The following ITGA1 variants were observed in gnomAD, a reference collection of about 807,000 sequenced individuals.
ITGA1 encodes integrin alpha-1.
Under a neutral mutation model 145.9 loss-of-function variants are expected in ITGA1, and 85 were observed. That is an observed-to-expected ratio of 0.58 (90% CI 0.49 to 0.70). ITGA1 has a LOEUF of 0.70. Ranked by LOEUF, ITGA1 falls within the 30% of genes least tolerant of loss-of-function variation. ITGA1 has a pLI of 0.00. For synonymous variants in ITGA1, 520 were observed against 495.3 expected (o/e 1.05, Z -0.66); for missense variants, 1,351 against 1,418.7 (o/e 0.95, Z 0.77).
At chr5:52,886,025 A>T (rs893369030) in intron 7 of ITGA1, among the ~76,000 whole-genome samples, 1 of 152,200 alleles carries the variant, frequency 6.6e-6, no homozygotes, top group Non-Finnish European at 1.5e-5. Flanking sequence ...GTGGGGAATG[A>T]GGAATGTGAT....
At chr5:52,906,985 A>C (rs1750418960) in intron 12 of ITGA1, among the ~76,000 whole-genome samples, 1 of 152,230 alleles carries the variant, frequency 6.6e-6, no homozygotes, top group African/African-American at 2.4e-5. Flanking sequence ...GGCCGGCTAC[A>C]AGAGTAACTG....
chr5:52,890,849 A>G (rs558783682), intron 8 of ITGA1, among the ~76,000 whole-genome samples: 2 of 152,254 alleles, frequency 1.3e-5, no homozygotes, highest in South Asian at 2.1e-4. Flanking sequence ...TTTTAAATCC[A>G]TTAACTAACC....
chr5:52,884,836 A>G (rs80238507), intron 7 of ITGA1, among the ~76,000 whole-genome samples: 4,649 of 152,268 alleles, frequency 0.031, 259 homozygotes, highest in African/African-American at 0.11. Flanking sequence ...CATCAGCTGC[A>G]TGTTCTAGAA....
chr5:52,811,867 TA>T (rs942354024), intron 1 of ITGA1, among the ~76,000 whole-genome samples: 5 of 152,204 alleles, frequency 3.3e-5, no homozygotes, highest in Non-Finnish European at 5.9e-5. Flanking sequence ...TCCATTTGGC[TA>T]GAGGTTTCTC....
intron 26 of ITGA1, 90 bp downstream of exon 26, chr5:52,940,034 T>C: frequency 1.3e-6 from 1 of 795,796 alleles, no homozygotes; most frequent in Admixed American, 2.0e-5. Context: ...TGTGCTGCTT[T>C]TGGAAAGAAT....
chr5:52,951,845 G>T lies in ITGA1; in HGVS notation c.3496-562G>T, dbSNP rs377172199. On this transcript the variant is annotated intron_variant, in intron 28 of 28. Coordinates refer to ENST00000282588, the MANE Select transcript of ITGA1 (RefSeq NM_181501.2). ...CAGAAGCTTTTAATTAGTTCAATGT[G>T]TATACTATATTTTACTAGGGGTCAT... Among the ~76,000 whole-genome samples the T allele has an allele frequency of 1.1e-3, 163 of 152,300 alleles. 1 individual carries two copies. In the South Asian group the frequency reaches 0.018, roughly 17 times the overall value.
Position 52,910,263 on chromosome 5 carries a change from C to G in ITGA1, c.1701C>G (p.Cys567Trp), listed in dbSNP as rs565973897. The change falls in exon 14 of 29, where the codon TGC (cysteine) becomes TGG (tryptophan). Residue 567 changes from cysteine to tryptophan, a missense_variant. Transcript: ENST00000282588. ...CAACAGAAAACAAAAATGAGCCATG[C>G]GGGGCTCGTTTTGGAACTGCAATTG... ...SCTTENKNEP[C>W]GARFGTAIAA... 1 of 1,613,848 alleles carries G rather than the reference C, an allele frequency of 6.2e-7. No individual in the cohort carries two copies. The highest frequency in any genetic ancestry group is 8.5e-7 in the Non-Finnish European group (1 of 1,179,902).
chr5:52,914,182 A>G (rs950353729), intron 14 of ITGA1, among the ~76,000 whole-genome samples: 1 of 152,200 alleles, frequency 6.6e-6, no homozygotes, highest in African/African-American at 2.4e-5. Flanking sequence ...TTAGAGTTGG[A>G]TTTGTTTAAT....
At chr5:52,921,901 T>A (rs1750733931) in intron 17 of ITGA1, among the ~76,000 whole-genome samples, 1 of 152,212 alleles carries the variant, frequency 6.6e-6, no homozygotes, top group South Asian at 2.1e-4. Flanking sequence ...TAATTTGCAA[T>A]AATGTATATA....
chr5:52,911,079 A>AGTATATATAGT (rs554338183), intron 14 of ITGA1, among the ~76,000 whole-genome samples: 1 of 133,516 alleles, frequency 7.5e-6, no homozygotes, highest in South Asian at 2.4e-4. Context: ...GTGTATATAT[A>AGTATATATAGT]GTATATATAG....
rs1000135690 is a variant in ITGA1 at position 52,953,373 on chromosome 5, G to T, written c.*922G>T. 1 of 152,162 alleles carries T rather than the reference G, an allele frequency of 6.6e-6. No homozygotes were observed. 9.4% of individuals were successfully genotyped at this position (152,162 alleles called of 1,614,324 possible). ...GCTGAGCAGCTTTTGAATGCTAAGG[G>T]TTCCAGTATGTGACCCAAAGAAAGA... On this transcript the variant is annotated 3_prime_UTR_variant, in exon 29 of 29. Transcript: ENST00000282588.
chr5:52,830,130 T>C (rs1037728572), intron 1 of ITGA1, among the ~76,000 whole-genome samples: 2 of 152,196 alleles, frequency 1.3e-5, no homozygotes, highest in Admixed American at 6.6e-5. Context: ...GTATAGTAGC[T>C]CTGTGGCAAG....
chr5:52,880,250 T>C (rs753793593), intron 6 of ITGA1, among the ~76,000 whole-genome samples: 3 of 139,030 alleles, frequency 2.2e-5, no homozygotes, highest in Non-Finnish European at 4.9e-5. Context: ...TTCAACTCAG[T>C]TTCCTCACTT....
rs1474319905 is a variant in ITGA1, at chr5:52,925,391, C to A, written c.2517C>A (p.Phe839Leu). ...TTGTCCGATCCCAGAATGATAAGTT[C>A]AACGTTAGCCTCACAGTCAAAAATA... Reference protein sequence around the residue: ...LLIVRSQNDKFNVSLTVKNTK... With the variant: ...LLIVRSQNDKLNVSLTVKNTK... Residue 839 changes from phenylalanine (F) to leucine (L), a missense_variant, in exon 19 of 29, where the codon TTC becomes TTA. Phe to Leu is a conservative substitution (Grantham distance 22, BLOSUM62 0). Coordinates refer to ENST00000282588, the MANE Select transcript of ITGA1 (RefSeq NM_181501.2). 6.2e-7 allele frequency: 1 copy of A among 1,614,008 alleles called. No individual in the cohort carries two copies. The highest frequency in any genetic ancestry group is 8.5e-7 in the Non-Finnish European group (1 of 1,179,862).
intron 14 of ITGA1, among the ~76,000 whole-genome samples, chr5:52,912,030 T>A (rs1413806870): frequency 4.5e-5 from 6 of 132,110 alleles, no homozygotes; most frequent in Non-Finnish European, 9.8e-5. Flanking sequence ...ATAGTGTGTA[T>A]CTACTATATA....
rs1474874125 is a variant in ITGA1, at chr5:52,955,124, A to G, written c.*2673A>G. The stretch of plus-strand genomic sequence containing the variant: ...TTTTCTGACCAAACTACAATGGTAT[A>G]TTGGTAAATTATTTAACAACACACT... On this transcript the variant is annotated 3_prime_UTR_variant, in exon 29 of 29. Transcript: ENST00000282588. 1.3e-5 allele frequency: 2 copies of G among 151,178 alleles called. No individual in the cohort carries two copies. Among genetic ancestry groups the G allele is most frequent in the Non-Finnish European group, 2.9e-5 (2 of 67,874 alleles). The allele number at this position is 151,178 out of a possible 1,614,324, so 9.4% of individuals were successfully genotyped here. A position where few individuals can be genotyped will look rare whatever the true frequency, so the allele number is the denominator to read the frequency against.
chr5:52,946,254 T>C (rs1360782518), intron 27 of ITGA1, among the ~76,000 whole-genome samples: 2 of 152,222 alleles, frequency 1.3e-5, no homozygotes, highest in Non-Finnish European at 2.9e-5. Flanking sequence ...TCTGCCTTGC[T>C]GGGCTTAGTG....
At chr5:52,804,926 A>T (rs1748560860) in intron 1 of ITGA1, among the ~76,000 whole-genome samples, 1 of 152,180 alleles carries the variant, frequency 6.6e-6, no homozygotes, top group East Asian at 1.9e-4. Flanking sequence ...TATGGGGTGT[A>T]AATATTTATA....
At position 52,955,785 on chromosome 5, in the gene ITGA1, T is replaced by C. The variant is rs1036356622; in HGVS notation, c.*3334T>C. On this transcript the variant is annotated 3_prime_UTR_variant, in exon 29 of 29. Transcript: ENST00000282588. ...TTCATTGGTCCAATTTGTCAAACTA[T>C]TTTCCTCTGAGCACTAGATTCATGG... The C allele has an allele frequency of 2.6e-5, 4 of 152,158 alleles. No homozygotes were observed. Among genetic ancestry groups the C allele is most frequent in the African/African-American group, 9.7e-5 (4 of 41,436 alleles). The allele number at this position is 152,158 out of a possible 1,614,324, so 9.4% of individuals were successfully genotyped here. A position where few individuals can be genotyped will look rare whatever the true frequency, so the allele number is the denominator to read the frequency against.
Sources: gnomAD v4.1 joint callset for allele counts (sites outside exome capture counted in the v4.1 genomes callset) on GRCh38, gnomAD v4.1.1 for gene constraint, MANE v1.5 for transcripts, NCBI Gene and HGNC (gene_info 2026-07-23, HGNC 2026-07-21) for gene names.